SLC2A9: variants seen among roughly 807,000 people sequenced by gnomAD.
SLC2A9 encodes solute carrier family 2, facilitated glucose transporter member 9.
SLC2A9 carries 39 observed loss-of-function variants against 50.6 expected under a neutral mutation model. The ratio of observed to expected loss-of-function variants is 0.77; its 90% CI spans 0.60 to 1.01. The LOEUF is 1.01. Among genes scored for constraint, SLC2A9 ranks in the 50% least tolerant of loss-of-function variants. The pLI is 0.00. For synonymous variants in SLC2A9, 324 were observed against 276.9 expected (o/e 1.17, Z -1.69); for missense variants, 686 against 677.6 (o/e 1.01, Z -0.14).
chr4:9,927,030 A>T (rs1262589322), intron 6 of SLC2A9, among the ~76,000 whole-genome samples: 2 of 135,832 alleles, frequency 1.5e-5, no homozygotes, highest in African/African-American at 5.5e-5. Flanking sequence ...CTGTTGTTCG[A>T]TTTTTTTTTT....
At chr4:9,942,205 C>G (rs1488409972) in intron 5 of SLC2A9, among the ~76,000 whole-genome samples, 160 bp from the exon 6 acceptor site, 1 of 152,226 alleles carries the variant, frequency 6.6e-6, no homozygotes, top group Non-Finnish European at 1.5e-5. Context: ...AGGCTGGGCA[C>G]CAGTCCCACG....
At chr4:9,805,500 A>G (rs1477559387) in intron 3 of SLC2A9, among the ~76,000 whole-genome samples, 1 of 152,072 alleles carries the variant, frequency 6.6e-6, no homozygotes, top group African/African-American at 2.4e-5. Context: ...GGAGTTTGAC[A>G]CCACCCTGGG....
chr4:9,970,201 G>A (rs1753667145), intron 5 of SLC2A9, among the ~76,000 whole-genome samples: 1 of 152,164 alleles, frequency 6.6e-6, no homozygotes, highest in Non-Finnish European at 1.5e-5. Context: ...TGAGTGGTGG[G>A]GAATGTTGAG....
upstream of SLC2A9, chr4:10,021,536 T>C: frequency 6.5e-7 from 1 of 1,541,640 alleles, no homozygotes; most frequent in South Asian, 1.2e-5. Context: ...CGGGAGTTCC[T>C]GACAGGAAGT....
At chr4:9,991,802 G>C (rs138206300) in intron 3 of SLC2A9, among the ~76,000 whole-genome samples, 1 of 152,158 alleles carries the variant, frequency 6.6e-6, no homozygotes, top group Non-Finnish European at 1.5e-5. Flanking sequence ...GAGAAGCCTC[G>C]GGAGGAAAAG....
intron 2 of SLC2A9, among the ~76,000 whole-genome samples, chr4:10,003,198 T>C (rs1484143022): frequency 6.6e-6 from 1 of 152,208 alleles, no homozygotes. Context: ...TTGCTCCCTA[T>C]GGCACTCTTA....
At chr4:10,037,579 A>G (rs1764147135) in intron 1 of SLC2A9, among the ~76,000 whole-genome samples, 1 of 139,836 alleles carries the variant, frequency 7.2e-6, no homozygotes, top group Non-Finnish European at 1.6e-5. Context: ...GGTAAATAAT[A>G]ATTAATCCAA....
chr4:9,975,416 A>G (rs1202525865), intron 5 of SLC2A9, among the ~76,000 whole-genome samples: 1 of 152,198 alleles, frequency 6.6e-6, no homozygotes, highest in Non-Finnish European at 1.5e-5. Context: ...CAAAAAACAA[A>G]TAACCCCATT....
chr4:9,917,137 A>G (rs1287961854), intron 7 of SLC2A9, among the ~76,000 whole-genome samples: 1 of 152,174 alleles, frequency 6.6e-6, no homozygotes, highest in Non-Finnish European at 1.5e-5. Context: ...CATGCTGAGG[A>G]CAAACTGCTC....
At chr4:9,924,697 C>A (rs533487889) in intron 6 of SLC2A9, among the ~76,000 whole-genome samples, 1 of 152,200 alleles carries the variant, frequency 6.6e-6, no homozygotes, top group African/African-American at 2.4e-5. Flanking sequence ...CCTCGAGTCA[C>A]CTCTCAAATA....
At chr4:9,791,696 C>A (rs576240991) in intron 3 of SLC2A9, among the ~76,000 whole-genome samples, 9 of 152,200 alleles carry the variant, frequency 5.9e-5, no homozygotes, top group African/African-American at 2.2e-4. Context: ...CCAGCCAAAA[C>A]CTGAACCTGC....
chr4:9,838,323 A>G (rs1199188894), intron 10 of SLC2A9, among the ~76,000 whole-genome samples: 1 of 152,192 alleles, frequency 6.6e-6, no homozygotes, highest in African/African-American at 2.4e-5. Flanking sequence ...CAAGGTCTCT[A>G]CAAGGAGAAC....
chr4:9,863,537 A>C (rs1164919332), intron 10 of SLC2A9, among the ~76,000 whole-genome samples: 1 of 152,160 alleles, frequency 6.6e-6, no homozygotes, highest in Non-Finnish European at 1.5e-5. Context: ...ATCCTGCATT[A>C]AAGCACATGC....
intron 5 of SLC2A9, among the ~76,000 whole-genome samples, chr4:9,967,955 T>A (rs547503913): frequency 5.3e-5 from 8 of 152,116 alleles, no homozygotes; most frequent in Non-Finnish European, 1.2e-4. Flanking sequence ...AGGGAATTAT[T>A]TATAAGCCTT....
intron 1 of SLC2A9, among the ~76,000 whole-genome samples, chr4:9,773,223 C>T (rs1577227630): frequency 6.6e-6 from 1 of 152,220 alleles, no homozygotes; most frequent in Admixed American, 6.5e-5. Flanking sequence ...ATGTGGCTGG[C>T]TCATCACCTG....
chr4:9,844,179 A>AAAAAAAC, intron 10 of SLC2A9, among the ~76,000 whole-genome samples: 1 of 148,862 alleles, frequency 6.7e-6, no homozygotes, highest in Non-Finnish European at 1.5e-5. Context: ...AAAAAAAAAA[A>AAAAAAAC]AGTCCTTCTG....
At chr4:9,786,191 G>A (rs372060520) in intron 3 of SLC2A9, among the ~76,000 whole-genome samples, 2 of 152,182 alleles carry the variant, frequency 1.3e-5, no homozygotes, top group East Asian at 3.8e-4. Context: ...GTACACACAT[G>A]TGTTAATTCA....
chr4:9,867,054 A>T (rs1446670244), intron 10 of SLC2A9, among the ~76,000 whole-genome samples: 2 of 152,226 alleles, frequency 1.3e-5, no homozygotes, highest in African/African-American at 2.4e-5. Flanking sequence ...TGTCAGCGTG[A>T]ATCTTGCCTT....
chr4:9,786,825 A>G (rs1448020608), intron 3 of SLC2A9, among the ~76,000 whole-genome samples: 2 of 152,196 alleles, frequency 1.3e-5, no homozygotes, highest in African/African-American at 2.4e-5. Flanking sequence ...CAATGTCTGG[A>G]GACATTTTTG....
Sources: allele counts gnomAD v4.1 joint callset (sites outside exome capture counted in the v4.1 genomes callset), GRCh38; gene constraint gnomAD v4.1.1; transcripts MANE v1.5; gene names NCBI Gene and HGNC (gene_info 2026-07-23, HGNC 2026-07-21).